IQGAP2: variants seen among roughly 807,000 people sequenced by gnomAD.
IQGAP2 encodes the protein IQ motif containing GTPase activating protein 2.
Under a neutral mutation model 201.3 loss-of-function variants are expected in IQGAP2, and 173 were observed. The observed-to-expected ratio is 0.86, with a 90% confidence interval of 0.76 to 0.98. The LOEUF (loss-of-function observed/expected upper bound fraction) is 0.98. IQGAP2 is among the 50% of genes least tolerant of loss of function. The pLI is 0.00. For synonymous variants in IQGAP2, 675 were observed against 673.9 expected, an observed-to-expected ratio of 1.00 and a Z score of -0.03; for missense variants, 1,687 against 1,864.8, an observed-to-expected ratio of 0.90 and a Z score of 1.76.
At chr5:76,537,587 G>A (rs1378838429) in intron 2 of IQGAP2, among the ~76,000 whole-genome samples, 1 of 151,848 alleles carries the variant, frequency 6.6e-6, no homozygotes, top group Non-Finnish European at 1.5e-5. Flanking sequence ...GGAAGAGGGT[G>A]GAAATATTGA....
intron 33 of IQGAP2, among the ~76,000 whole-genome samples, chr5:76,698,609 A>T (rs1746974523): frequency 6.6e-6 from 1 of 152,184 alleles, no homozygotes; most frequent in South Asian, 2.1e-4. Context: ...CAACTGGCAA[A>T]ATTTGGCAGC....
chr5:76,457,575 A>G (rs1164073900), intron 1 of IQGAP2, among the ~76,000 whole-genome samples: 2 of 152,200 alleles, frequency 1.3e-5, no homozygotes. Context: ...ATTTTAATAC[A>G]AAGTGTATGG....
At chr5:76,507,655 C>T (rs1174578671) in intron 2 of IQGAP2, among the ~76,000 whole-genome samples, 1 of 152,176 alleles carries the variant, frequency 6.6e-6, no homozygotes. Flanking sequence ...TGATAAAAGA[C>T]TGTTTTTCAA....
intron 2 of IQGAP2, among the ~76,000 whole-genome samples, chr5:76,468,004 G>A (rs1403944816): frequency 2.0e-5 from 3 of 152,064 alleles, no homozygotes; most frequent in African/African-American, 7.2e-5. Flanking sequence ...TTCTTTTTGG[G>A]CTGATAAAAA....
At chr5:76,484,673 CG>C (rs34141520) in intron 2 of IQGAP2, among the ~76,000 whole-genome samples, 1 of 151,934 alleles carries the variant, frequency 6.6e-6, no homozygotes, top group Non-Finnish European at 1.5e-5. Context: ...AAAAAAGAAA[CG>C]GGGTTTTGCT....
In IQGAP2 at chr5:76,403,488, G is replaced by A. The variant is rs1214532575; in HGVS notation, c.-58G>A. On this transcript the variant is annotated 5_prime_UTR_variant, in exon 1 of 36. Transcript: ENST00000274364. The surrounding 1 kb of genome is among the most constrained non-coding windows in gnomAD (Gnocchi z 4.8). ...GGCGGGGCGCAGAGCCCGCGAGCCT[G>A]GCCAGCGAGGGTAGCCGCGGGGGGC... 2 of 1,360,886 alleles carry A rather than the reference G, an allele frequency of 1.5e-6. No homozygotes were observed. Among genetic ancestry groups the A allele is most frequent in the Non-Finnish European group, 1.9e-6 (2 of 1,049,908 alleles). 84.3% of individuals were successfully genotyped at this position (1,360,886 alleles called of 1,614,324 possible).
intron 1 of IQGAP2, among the ~76,000 whole-genome samples, chr5:76,415,269 T>A (rs956995320): frequency 6.6e-6 from 1 of 152,232 alleles, no homozygotes; most frequent in African/African-American, 2.4e-5. Context: ...CAGGACTGTA[T>A]CTTTTGGTCA....
intron 2 of IQGAP2, among the ~76,000 whole-genome samples, chr5:76,499,269 GGA>G (rs1304195268): frequency 6.6e-6 from 1 of 152,128 alleles, no homozygotes; most frequent in Admixed American, 6.5e-5. Context: ...TTTTTGTGCT[GGA>G]GAGGGTTTCT....
chr5:76,674,034 A>G lies in IQGAP2; in HGVS notation c.3292A>G (p.Lys1098Glu). Residue 1098 changes from lysine to glutamate, a missense_variant and splice_region_variant, in exon 26 of 36, where the codon AAG becomes GAG. Physicochemically the swap from Lys to Glu is moderately conservative, Grantham distance 56. Coordinates refer to ENST00000274364, the MANE Select transcript of IQGAP2 (RefSeq NM_006633.5). ...CGATGCAACAGAAGATGAGCTATTA[A>G]AGGTAGATTTTCAAGGGTAATCTCA... is the stretch of plus-strand genomic sequence containing the variant. ...FPDATEDELL[K>E]IVGNLLYYRY... 6.3e-7 allele frequency: 1 copy of G among 1,590,246 alleles called. No individual in the cohort carries two copies. The highest frequency in any genetic ancestry group is 8.6e-7 in the Non-Finnish European group (1 of 1,158,388).
At chr5:76,490,878 AT>A (rs1756496442) in intron 2 of IQGAP2, among the ~76,000 whole-genome samples, 1 of 152,068 alleles carries the variant, frequency 6.6e-6, no homozygotes, top group African/African-American at 2.4e-5. Context: ...AACCTTGAGC[AT>A]TTTTCTTTAA....
intron 2 of IQGAP2, among the ~76,000 whole-genome samples, chr5:76,501,930 A>G (rs1174683613): frequency 6.6e-6 from 1 of 151,710 alleles, no homozygotes; most frequent in Non-Finnish European, 1.5e-5. Context: ...GGTGTGAGCC[A>G]CCGCTCCTGG....
intron 30 of IQGAP2, among the ~76,000 whole-genome samples, chr5:76,689,159 A>T (rs1170118256): frequency 1.4e-5 from 2 of 139,820 alleles, no homozygotes; most frequent in African/African-American, 5.3e-5. Flanking sequence ...TCCCTTGTGT[A>T]TGTTTATAGA....
At chr5:76,682,541 C>T (rs1745395333) in intron 28 of IQGAP2, among the ~76,000 whole-genome samples, 1 of 151,880 alleles carries the variant, frequency 6.6e-6, no homozygotes, top group Non-Finnish European at 1.5e-5. Flanking sequence ...ATACTGTTTC[C>T]TGTAAGACCT....
At chr5:76,434,621 A>C (rs1374960366) in intron 1 of IQGAP2, among the ~76,000 whole-genome samples, 4 of 152,092 alleles carry the variant, frequency 2.6e-5, no homozygotes, top group South Asian at 2.1e-4. Flanking sequence ...TTGGTCCCAT[A>C]TCTTTGCAAT....
intron 1 of IQGAP2, among the ~76,000 whole-genome samples, chr5:76,452,701 G>T (rs568853033): frequency 3.9e-4 from 60 of 152,142 alleles, no homozygotes; most frequent in Non-Finnish European, 7.3e-4. Flanking sequence ...CCTAATGGCT[G>T]CTGATGTCAT....
At chr5:76,410,276 G>T (rs1314448583) in intron 1 of IQGAP2, among the ~76,000 whole-genome samples, 2 of 152,172 alleles carry the variant, frequency 1.3e-5, no homozygotes, top group African/African-American at 4.8e-5. Flanking sequence ...AACCTGAAAG[G>T]CGTGCTAGTA....
intron 2 of IQGAP2, among the ~76,000 whole-genome samples, chr5:76,492,572 G>A (rs1422449812): frequency 6.6e-6 from 1 of 152,216 alleles, no homozygotes; most frequent in East Asian, 1.9e-4. Flanking sequence ...AGGAATCCCA[G>A]AAGCCAGTTA....
chr5:76,520,924 G>A (rs1758646766), intron 2 of IQGAP2, among the ~76,000 whole-genome samples: 1 of 151,420 alleles, frequency 6.6e-6, no homozygotes, highest in Non-Finnish European at 1.5e-5. Context: ...GGCCAGGCTG[G>A]TCTCAAATTC....
intron 10 of IQGAP2, among the ~76,000 whole-genome samples, chr5:76,599,250 T>C (rs947101990): frequency 6.6e-6 from 1 of 152,186 alleles, no homozygotes; most frequent in African/African-American, 2.4e-5. Context: ...ACTCCCTATG[T>C]TTCCTAAATA....
Sources: allele counts gnomAD v4.1 joint callset (sites outside exome capture counted in the v4.1 genomes callset), GRCh38; gene constraint gnomAD v4.1.1; non-coding constraint Gnocchi (gnomAD v3.1); transcripts MANE v1.5; gene names NCBI Gene and HGNC (gene_info 2026-07-23, HGNC 2026-07-21).